The following PLCB1 variants were observed in gnomAD, a reference collection of about 807,000 sequenced individuals.
PLCB1 encodes the protein 1-phosphatidylinositol 4,5-bisphosphate phosphodiesterase beta-1.
Under a neutral mutation model 161.8 loss-of-function variants are expected in PLCB1, and 46 were observed. That is an observed-to-expected ratio of 0.28 (90% CI 0.22 to 0.36). The LOEUF is 0.36. PLCB1 is among the 10% of genes least tolerant of loss of function. The pLI is 1.00. For synonymous variants in PLCB1, 517 were observed against 503.7 expected (o/e 1.03, Z -0.35); for missense variants, 1,016 against 1,472.5 (o/e 0.69, Z 5.07).
chr20:8,391,785 GTATATATATATATATATATATATATA>G (rs374178427), intron 3 of PLCB1, among the ~76,000 whole-genome samples: 2 of 115,156 alleles, frequency 1.7e-5, no homozygotes, highest in African/African-American at 6.4e-5. Flanking sequence ...ATATGTGTGT[GTATATATATATATATATATATATATA>G]TATATATATA....
intron 3 of PLCB1, among the ~76,000 whole-genome samples, chr20:8,553,187 C>A (rs1355512340): frequency 1.3e-5 from 2 of 152,078 alleles, no homozygotes; most frequent in Non-Finnish European, 2.9e-5. Flanking sequence ...TTTCTCATGA[C>A]ACAATAATCA....
chr20:8,453,200 G>C (rs1269987829), intron 3 of PLCB1, among the ~76,000 whole-genome samples: 2 of 152,216 alleles, frequency 1.3e-5, no homozygotes, highest in Non-Finnish European at 2.9e-5. Flanking sequence ...CCCCGGCCAT[G>C]AGTCTCAGAG....
At position 8,766,752 on chromosome 20, in the gene PLCB1, TGG is replaced by T. The variant is rs140427022; in HGVS notation, c.2930+1397_2930+1398del. ...TGCATCTCAAATGGACATGAGTCAC[TGG>T]GGATCTTGTTAGGTGCAGGTTCTGC... is the stretch of plus-strand genomic sequence containing the variant. On this transcript the variant is annotated intron_variant, in intron 26 of 31. Transcript: ENST00000338037. 6.1e-3 allele frequency among the ~76,000 whole-genome samples: 928 copies of T among 152,278 alleles called. 8 individuals are homozygous for T. The highest frequency in any genetic ancestry group is 0.021 in the African/African-American group (893 of 41,556).
chr20:8,780,893 T>G (rs1193321266), intron 27 of PLCB1, among the ~76,000 whole-genome samples: 1 of 152,194 alleles, frequency 6.6e-6, no homozygotes, highest in East Asian at 1.9e-4. Context: ...AACAACAAGA[T>G]AATGCACCTA....
At chr20:8,201,908 A>G (rs887938090) in intron 2 of PLCB1, among the ~76,000 whole-genome samples, 1 of 152,222 alleles carries the variant, frequency 6.6e-6, no homozygotes, top group African/African-American at 2.4e-5. Context: ...GAAGAAGTAT[A>G]GAGTTATTGC....
At chr20:8,153,236 T>G (rs2051527559) in intron 2 of PLCB1, among the ~76,000 whole-genome samples, 1 of 152,208 alleles carries the variant, frequency 6.6e-6, no homozygotes, top group Non-Finnish European at 1.5e-5. Context: ...GGGATAAATG[T>G]TCATGCTTTG....
intron 27 of PLCB1, among the ~76,000 whole-genome samples, chr20:8,775,232 C>G (rs2146204601): frequency 6.6e-6 from 1 of 152,210 alleles, no homozygotes; most frequent in South Asian, 2.1e-4. Context: ...AAGGAAATGC[C>G]ATCCTCACCA....
chr20:8,343,908 G>T (rs1473404168), intron 2 of PLCB1, among the ~76,000 whole-genome samples: 1 of 152,166 alleles, frequency 6.6e-6, no homozygotes, highest in East Asian at 1.9e-4. Flanking sequence ...AAGCCATCAT[G>T]CTTTGTAGGA....
chr20:8,750,318 G>A (rs142664983), intron 23 of PLCB1, among the ~76,000 whole-genome samples: 16 of 152,302 alleles, frequency 1.1e-4, no homozygotes, highest in Non-Finnish European at 2.1e-4. Context: ...GAAGTCAACA[G>A]ATGAATTTAT....
intron 31 of PLCB1, among the ~76,000 whole-genome samples, chr20:8,843,551 T>C (rs1023608309): frequency 6.6e-6 from 1 of 152,188 alleles, no homozygotes; most frequent in Non-Finnish European, 1.5e-5. Context: ...TTCACTTATT[T>C]GTGTGTTCAT....
intron 3 of PLCB1, among the ~76,000 whole-genome samples, chr20:8,439,783 T>C (rs1600401446): frequency 6.6e-6 from 1 of 152,148 alleles, no homozygotes; most frequent in South Asian, 2.1e-4. Flanking sequence ...CATTTATTTT[T>C]TCTTCTAGGT....
At chr20:8,756,394 A>C (rs971650324) in intron 23 of PLCB1, among the ~76,000 whole-genome samples, 1 of 152,188 alleles carries the variant, frequency 6.6e-6, no homozygotes, top group Non-Finnish European at 1.5e-5. Flanking sequence ...GTGCTCCAAA[A>C]TGTGTGTTCT....
At chr20:8,467,477 T>C (rs562536610) in intron 3 of PLCB1, among the ~76,000 whole-genome samples, 1 of 152,296 alleles carries the variant, frequency 6.6e-6, no homozygotes, top group South Asian at 2.1e-4. Flanking sequence ...AATTACATCC[T>C]TGATACCTTG....
chr20:8,494,337 T>G (rs142720591), intron 3 of PLCB1, among the ~76,000 whole-genome samples: 1 of 152,306 alleles, frequency 6.6e-6, no homozygotes, highest in East Asian at 1.9e-4. Flanking sequence ...ATTATGTGTT[T>G]AAGGAATTCT....
At position 8,882,653 on chromosome 20, in the gene PLCB1, A is replaced by ATAAC. The variant is rs1475084924; in HGVS notation, c.*807_*810dup. ...TTGGTTATTGGCCTGAAATGATCAA[A>ATAAC]TAACTACAAATGATCTGTTGAATAA... On this transcript the variant is annotated 3_prime_UTR_variant, in exon 32 of 32. Transcript: ENST00000338037. The ATAAC allele has an allele frequency of 6.6e-6, 1 of 152,544 alleles. No homozygotes were observed. Among genetic ancestry groups the ATAAC allele is most frequent in the African/African-American group, 2.4e-5 (1 of 41,472 alleles). The allele number at this position is 152,544 out of a possible 1,614,324, so 9.4% of individuals were successfully genotyped here.
At chr20:8,854,326 C>T (rs752937595) in intron 31 of PLCB1, among the ~76,000 whole-genome samples, 9 of 152,216 alleles carry the variant, frequency 5.9e-5, no homozygotes, top group Non-Finnish European at 1.0e-4. Context: ...TTGCAGAGGT[C>T]CCAGGCCTCA....
intron 3 of PLCB1, among the ~76,000 whole-genome samples, chr20:8,576,009 AG>A (rs1986662867): frequency 6.6e-6 from 1 of 152,244 alleles, no homozygotes; most frequent in African/African-American, 2.4e-5. Flanking sequence ...ATAAAAACAC[AG>A]TTAAAATATC....
At chr20:8,370,283 C>A (rs554279949) in intron 2 of PLCB1, among the ~76,000 whole-genome samples, 13 of 152,338 alleles carry the variant, frequency 8.5e-5, no homozygotes, top group African/African-American at 2.9e-4. Flanking sequence ...CTTAGCCAGA[C>A]ATTTAGGGTT....
At chr20:8,381,478 C>T (rs1358129825) in intron 3 of PLCB1, among the ~76,000 whole-genome samples, 1 of 152,102 alleles carries the variant, frequency 6.6e-6, no homozygotes, top group Admixed American at 6.5e-5. Flanking sequence ...AGGGAGGAGT[C>T]CCCCCTTTTC....
Sources: gnomAD v4.1 joint callset for allele counts (sites outside exome capture counted in the v4.1 genomes callset) on GRCh38, gnomAD v4.1.1 for gene constraint, MANE v1.5 for transcripts, NCBI Gene and HGNC (gene_info 2026-07-23, HGNC 2026-07-21) for gene names.